Variants in CEP350 observed in about 807,000 individuals in gnomAD.
CEP350 encodes centrosomal protein 350, also known as centrosome-associated protein 350.
In CEP350, 126 loss-of-function variants were observed where a neutral mutation model predicts 331.8. That is an observed-to-expected ratio of 0.38 (90% confidence interval 0.33 to 0.44). CEP350 has a LOEUF of 0.44. Ranked by LOEUF, CEP350 falls within the 20% of genes least tolerant of loss-of-function variation. The probability of loss-of-function intolerance (pLI) is 1.00; values close to 1 mark genes in which losing one functional copy is unlikely to be tolerated. For synonymous variants in CEP350, 1,200 were observed against 1,259.5 expected, an observed-to-expected ratio of 0.95 and a Z score of 1.00; for missense variants, 3,406 against 3,634.6, an observed-to-expected ratio of 0.94 and a Z score of 1.62.
At chr1:180,001,456 G>C (rs528922794) in intron 6 of CEP350, among the ~76,000 whole-genome samples, 2 of 152,018 alleles carry the variant, frequency 1.3e-5, no homozygotes, top group Admixed American at 6.5e-5. Context: ...ATGGGGTTTC[G>C]CCATGTTGGC....
At chr1:179,960,243 T>A (rs986808802) in intron 1 of CEP350, among the ~76,000 whole-genome samples, 3 of 141,148 alleles carry the variant, frequency 2.1e-5, no homozygotes, top group Admixed American at 7.3e-5. Flanking sequence ...TCATGTCAGT[T>A]CACCTAATGC....
At chr1:180,102,773 T>C (rs1369868308) in intron 37 of CEP350, among the ~76,000 whole-genome samples, 1 of 152,256 alleles carries the variant, frequency 6.6e-6, no homozygotes, top group East Asian at 1.9e-4. Context: ...CAGCTCTTAC[T>C]TTTGAGTTAT....
chr1:179,962,739 T>C (rs919274173), intron 1 of CEP350, among the ~76,000 whole-genome samples: 1 of 152,226 alleles, frequency 6.6e-6, no homozygotes, highest in Non-Finnish European at 1.5e-5. Flanking sequence ...GTACTTAGTT[T>C]GATTCAATGA....
chr1:180,099,877 C>A (rs1660703122), intron 37 of CEP350, among the ~76,000 whole-genome samples: 1 of 151,650 alleles, frequency 6.6e-6, no homozygotes, highest in African/African-American at 2.4e-5. Flanking sequence ...CCTCTGCCTC[C>A]CAGGTTCAAG....
chr1:180,004,760 C>G (rs1316126410), intron 7 of CEP350, among the ~76,000 whole-genome samples: 2 of 152,140 alleles, frequency 1.3e-5, no homozygotes, highest in Middle Eastern at 3.2e-3. Context: ...ATCTAGAATA[C>G]TATAAGTATC....
In CEP350 at chr1:180,094,344, C is replaced by T. The variant is rs1660361126; in HGVS notation, c.8239C>T (p.Gln2747Ter). ...SLNEEKKSKQ[Q>*]LEKISLLTDS... ...AAATGAGGAAAAAAAGTCAAAACAA[C>T]AACTGGAAAAAATCAGCTTACTGAC... is the stretch of plus-strand genomic sequence containing the variant. Residue 2747 changes from glutamine to a stop codon, truncating the protein, a stop_gained, in exon 34 of 38, where the codon CAA becomes TAA. Coordinates refer to ENST00000367607, the MANE Select transcript of CEP350 (RefSeq NM_014810.5). LOFTEE classifies it high-confidence loss of function. 6.2e-7 allele frequency: 1 copy of T among 1,613,732 alleles called. No individual in the cohort carries two copies. Among genetic ancestry groups the T allele is most frequent in the Admixed American group, 1.7e-5 (1 of 59,980 alleles).
At position 180,003,356 on chromosome 1, in the gene CEP350, C is replaced by T. The variant is rs557881013; in HGVS notation, c.1132+69C>T. ...TGCTATCTAATTTATAATATTTACA[C>T]ATAAAATTGTCACCAAACTAACAAT... On this transcript the variant is annotated intron_variant, in intron 7 of 37. Transcript: ENST00000367607. 173 of 1,014,270 alleles carry T rather than the reference C, an allele frequency of 1.7e-4. 1 individual carries two copies. In the African/African-American group the frequency reaches 2.5e-3, roughly 14 times the overall value. 62.8% of individuals were successfully genotyped at this position (1,014,270 alleles called of 1,614,324 possible).
At chr1:180,056,565 G>T (rs1352853104) in intron 25 of CEP350, among the ~76,000 whole-genome samples, 3 of 143,902 alleles carry the variant, frequency 2.1e-5, no homozygotes, top group African/African-American at 7.8e-5. Flanking sequence ...TGCCTCTAGG[G>T]CTCAAGCAAT....
At chr1:180,050,684 A>AC (rs1248160035) in intron 22 of CEP350, among the ~76,000 whole-genome samples, 2 of 151,634 alleles carry the variant, frequency 1.3e-5, no homozygotes, top group East Asian at 3.9e-4. Flanking sequence ...AAAAAAAAAA[A>AC]AAAAAACAAA....
chr1:180,015,524 G>A (rs934606828), intron 10 of CEP350, among the ~76,000 whole-genome samples: 44 of 152,040 alleles, frequency 2.9e-4, no homozygotes, highest in African/African-American at 1.1e-3. Context: ...GTGAGCCACC[G>A]CTCCTGGCCG....
rs754937342 is a variant in CEP350, at chr1:180,052,992, A to T, written c.4815A>T (p.Glu1605Asp). The T allele has an allele frequency of 3.6e-6, 5 of 1,393,140 alleles. No homozygotes were observed. The highest frequency in any genetic ancestry group is 5.1e-6 in the Non-Finnish European group (5 of 990,044). The allele number at this position is 1,393,140 out of a possible 1,614,324, so 86.3% of individuals were successfully genotyped here. A position where few individuals can be genotyped will look rare whatever the true frequency, so the allele number is the denominator to read the frequency against. ...TAGACTCAACGTCTATTGCAACAGAATATTCTCTGAAATTTGATGAATCCA... is the reference window on the plus strand; with the variant it reads ...TAGACTCAACGTCTATTGCAACAGATTATTCTCTGAAATTTGATGAATCCA... ...DEKDSTSIAT[E>D]YSLKFDESMT... Residue 1605 changes from glutamate to aspartate, a missense_variant, in exon 23 of 38, where the codon GAA becomes GAT. Glu to Asp is a conservative substitution (Grantham distance 45, BLOSUM62 2). Around this residue, in one of 5 missense-constraint regions of CEP350, gnomAD observed 1,857 missense variants for 1,909.2 expected, o/e 0.97. Transcript: ENST00000367607.
In CEP350 at chr1:180,054,458, C is replaced by A; in HGVS notation, c.5218C>A (p.Arg1740=). Residue 1740 remains arginine, a synonymous_variant, in exon 25 of 38, where the codon CGG becomes AGG. Coordinates refer to ENST00000367607, the MANE Select transcript of CEP350 (RefSeq NM_014810.5). The stretch of plus-strand genomic sequence containing the variant: ...AGAGGATGATAAAATGCCCCCGCTC[C>A]GGAAGAAACAGCGTGGTTTGCTTTT... The part of the protein sequence containing the change: ...KGEDDKMPPL[R]KKQRGLLLRL... 6.2e-7 allele frequency: 1 copy of A among 1,602,066 alleles called. No homozygotes were observed.
chr1:180,019,557 T>G (rs1299936272), intron 11 of CEP350, among the ~76,000 whole-genome samples: 2 of 152,204 alleles, frequency 1.3e-5, no homozygotes, highest in Admixed American at 6.5e-5. Flanking sequence ...TGTAATGTTA[T>G]TTTAAAAATT....
At position 180,114,309 on chromosome 1, in the gene CEP350, C is replaced by T. The variant is rs1326423503; in HGVS notation, c.*3148C>T. ...CTTTTCTGCAAGAAATACAAACTTA[C>T]ATCTTCCTTTTACTACCTTAAGAAT... On this transcript the variant is annotated 3_prime_UTR_variant, in exon 38 of 38. Transcript: ENST00000367607. 6.6e-6 allele frequency: 1 copy of T among 152,628 alleles called. No individual in the cohort carries two copies. The highest frequency in any genetic ancestry group is 2.4e-5 in the African/African-American group (1 of 41,438). 9.5% of individuals were successfully genotyped at this position (152,628 alleles called of 1,614,324 possible).
At chr1:180,040,746 A>C (rs1342129801) in intron 17 of CEP350, among the ~76,000 whole-genome samples, 1 of 152,090 alleles carries the variant, frequency 6.6e-6, no homozygotes, top group Non-Finnish European at 1.5e-5. Flanking sequence ...TTTTTAATGA[A>C]ACTACTACTT....
intron 30 of CEP350, among the ~76,000 whole-genome samples, chr1:180,081,829 T>G (rs1048323871): frequency 6.6e-6 from 1 of 152,264 alleles, no homozygotes; most frequent in African/African-American, 2.4e-5. Flanking sequence ...GTGTTTATCA[T>G]GTATAATAAA....
intron 37 of CEP350, among the ~76,000 whole-genome samples, chr1:180,103,202 A>G (rs1178162553): frequency 6.6e-6 from 1 of 152,242 alleles, no homozygotes; most frequent in Non-Finnish European, 1.5e-5. Context: ...CTACTTGGCC[A>G]GTGCCATCTT....
chr1:180,078,625 A>G lies in CEP350; in HGVS notation c.5930A>G (p.Glu1977Gly). The change falls in exon 29 of 38, where the codon GAA (glutamate) becomes GGA (glycine). Residue 1977 changes from glutamate to glycine, a missense_variant. Around this residue, in one of 5 missense-constraint regions of CEP350, gnomAD observed 1,415 missense variants for 1,512.3 expected, o/e 0.94. Coordinates refer to ENST00000367607, the MANE Select transcript of CEP350 (RefSeq NM_014810.5). ...GSPDHSILTE[E>G]MICSQELESS... ...CCAGATCACAGTATACTTACTGAAG[A>G]AATGATTTGTTCACAGGAACTAGAA... The G allele has an allele frequency of 6.2e-7, 1 of 1,612,564 alleles. No individual in the cohort carries two copies. Among genetic ancestry groups the G allele is most frequent in the South Asian group, 1.1e-5 (1 of 90,798 alleles).
chr1:180,016,660 GTTTT>G (rs10660202), intron 11 of CEP350, among the ~76,000 whole-genome samples: 2 of 128,270 alleles, frequency 1.6e-5, no homozygotes, highest in South Asian at 2.4e-4. Flanking sequence ...TTTGGGTTAT[GTTTT>G]TTTTTTTTTT....
Sources: allele counts gnomAD v4.1 joint callset (sites outside exome capture counted in the v4.1 genomes callset), GRCh38; gene constraint gnomAD v4.1.1; regional missense constraint gnomAD v4.1.1; transcripts MANE v1.5; gene names NCBI Gene and HGNC (gene_info 2026-07-23, HGNC 2026-07-21).